The following FGF22 variants were observed in gnomAD, a reference collection of about 807,000 sequenced individuals.
FGF22 encodes the protein FGF-22.
In FGF22, 11 loss-of-function variants were observed where a neutral mutation model predicts 10.3. The ratio of observed to expected loss-of-function variants is 1.07; its 90% CI spans 0.67 to 1.77. The LOEUF (loss-of-function observed/expected upper bound fraction) is 1.77, where lower values mean the gene tolerates loss of function less well. FGF22 is among the 40% of genes most tolerant of loss of function. FGF22 has a pLI of 0.00. For missense variants in FGF22, 317 were observed against 273.2 expected (o/e 1.16, Z -1.13); for synonymous variants, 136 against 122.1 (o/e 1.11, Z -0.75).
exon 3 of FGF22, chr19:644,050 G>C (rs931868105): frequency 5.3e-6 from 1 of 187,952 alleles, no homozygotes; most frequent in African/African-American, 2.4e-5. Context: ...GAGGACAAAG[G>C]CACCTGCAGG....
intron 1 of FGF22, among the ~76,000 whole-genome samples, chr19:641,986 G>A (rs942628233): frequency 5.3e-5 from 8 of 152,298 alleles, no homozygotes; most frequent in South Asian, 4.1e-4. Flanking sequence ...AGACGATGGC[G>A]TCCAAATCTG....
exon 1 of FGF22, chr19:640,132 C>T: frequency 7.5e-7 from 1 of 1,334,106 alleles, no homozygotes; most frequent in South Asian, 1.9e-5. Context: ...GGCGCCACGG[C>T]CAGGACAGTG....
exon 1 of FGF22, chr19:639,924 T>A: frequency 8.2e-7 from 1 of 1,221,912 alleles, no homozygotes; most frequent in Non-Finnish European, 1.0e-6. Context: ...GGGTGCCGGG[T>A]CATGCGCCGC....
chr19:643,728 C>A, exon 3 of FGF22: 1 of 871,450 alleles, frequency 1.1e-6, no homozygotes, highest in Non-Finnish European at 1.7e-6. Flanking sequence ...GCGCTGTGGA[C>A]ACAGCCCAGG....
intron 1 of FGF22, chr19:641,300 G>A (rs1025018736): frequency 2.2e-6 from 1 of 454,438 alleles, no homozygotes; most frequent in Admixed American, 2.4e-5. Flanking sequence ...CGGTTGGCCG[G>A]GTGCAGTGGC....
At chr19:640,895 C>T (rs558349255) in intron 1 of FGF22, 15 of 299,128 alleles carry the variant, frequency 5.0e-5, no homozygotes, top group Non-Finnish European at 8.2e-5. Flanking sequence ...TCCTTCCCAC[C>T]GCTTTCATCT....
rs1985946876 is a variant in FGF22 at position 642,792 on chromosome 19, G to GACTCCCACATCCCAGGAAA, written c.215-425_215-424insAACTCCCACATCCCAGGAA. 3.3e-5 allele frequency among the ~76,000 whole-genome samples: 5 copies of GACTCCCACATCCCAGGAAA among 151,948 alleles called. No homozygotes were observed. The South Asian group carries it at 1.0e-3, about 32-fold the overall frequency. On this transcript the variant is annotated intron_variant, in intron 1 of 2. Coordinates refer to ENST00000215530, the Ensembl canonical transcript of FGF22. ...GGTCTGGGTGGGCCCTGCCCCTTCT[G>GACTCCCACATCCCAGGAAA]ACTCCCACATCCCAGGAACCCTTTC...
intron 1 of FGF22, 133 bp downstream of exon 1, chr19:640,272 G>T (rs1022566564): frequency 2.2e-5 from 12 of 540,882 alleles, no homozygotes; most frequent in African/African-American, 5.9e-5. Context: ...CTCAGTTTCC[G>T]TGGTCTGTGA....
chr19:640,868 C>A, intron 1 of FGF22: 1 of 255,006 alleles, frequency 3.9e-6, no homozygotes, highest in Non-Finnish European at 8.1e-6. Context: ...ACCATCAGGG[C>A]AGGTAATCAC....
exon 2 of FGF22, chr19:643,243 G>C: frequency 2.5e-6 from 4 of 1,610,744 alleles, no homozygotes; most frequent in Non-Finnish European, 3.4e-6. Context: ...AGGCATCCTG[G>C]AGATCCGCTC....
chr19:641,236 G>A lies in FGF22; in HGVS notation c.214+1097G>A, dbSNP rs148687788. ...CTCCTGGGGCTCCCAGAGCAGAGGCGCGCAGCAGTTAGACACGTGAACAAG... is the reference window on the plus strand; with the variant it reads ...CTCCTGGGGCTCCCAGAGCAGAGGCACGCAGCAGTTAGACACGTGAACAAG... On this transcript the variant is annotated intron_variant, in intron 1 of 2. Coordinates refer to ENST00000215530, the Ensembl canonical transcript of FGF22. 311 of 456,412 alleles carry A rather than the reference G, an allele frequency of 6.8e-4. 3 individuals carry two copies. The highest frequency in any genetic ancestry group is 1.3e-3 in the Admixed American group (54 of 42,588). 28.3% of individuals were successfully genotyped at this position (456,412 alleles called of 1,614,324 possible).
chr19:640,182 G>T, intron 1 of FGF22, 43 bp downstream of exon 1: 1 of 1,225,008 alleles, frequency 8.2e-7, no homozygotes, highest in Non-Finnish European at 1.0e-6. Flanking sequence ...GAGGCGGCGG[G>T]TGACGGCAAC....
intron 1 of FGF22, among the ~76,000 whole-genome samples, chr19:642,844 C>T (rs867395995): frequency 2.6e-4 from 34 of 130,202 alleles, no homozygotes; most frequent in African/African-American, 9.3e-4. Flanking sequence ...TGTTGCTGCC[C>T]CCCTGACGTC....
In FGF22 at chr19:643,454, G is replaced by C. The variant is rs771748957; in HGVS notation, c.363G>C (p.Glu121Asp). The change falls in exon 3 of 3, where the codon GAG (glutamate) becomes GAC (aspartate). Residue 121 changes from glutamate to aspartate, a missense_variant. Transcript: ENST00000215530. ...GCAGGTTCCGGGAGCGCATCGAAGA[G>C]AACGGCCACAACACCTACGCCTCAC... The C allele has an allele frequency of 1.3e-5, 21 of 1,611,502 alleles. No individual in the cohort carries two copies. The African/African-American group carries it at 1.9e-4, about 14-fold the overall frequency.
intron 1 of FGF22, chr19:641,255 G>T: frequency 2.2e-6 from 1 of 456,106 alleles, no homozygotes; most frequent in Non-Finnish European, 4.4e-6. Flanking sequence ...TTAGACACGT[G>T]AACAAGGGCG....
exon 3 of FGF22, chr19:644,191 GGGGA>G: frequency 6.4e-6 from 1 of 157,036 alleles, no homozygotes; most frequent in South Asian, 2.0e-4. Context: ...TGGCCGTGAA[GGGGA>G]GGAAGGGCCC....
At chr19:642,714 G>A (rs1323949881) in intron 1 of FGF22, among the ~76,000 whole-genome samples, 2 of 151,644 alleles carry the variant, frequency 1.3e-5, no homozygotes, top group Non-Finnish European at 2.9e-5. Flanking sequence ...TGAGGGCCGG[G>A]CTGGGGGCTC....
At chr19:641,444 G>A (rs546812577) in intron 1 of FGF22, 17 of 359,218 alleles carry the variant, frequency 4.7e-5, no homozygotes, top group South Asian at 2.0e-4. Flanking sequence ...GTGTGGTGGC[G>A]GGCGCCTGTA....
exon 1 of FGF22, chr19:639,886 C>T (rs1056033415): frequency 7.6e-6 from 9 of 1,176,646 alleles, no homozygotes; most frequent in South Asian, 3.8e-5. Flanking sequence ...GCCGCGGACG[C>T]CCGGGAGCGA....
Sources: gnomAD v4.1 joint callset for allele counts (sites outside exome capture counted in the v4.1 genomes callset) on GRCh38, gnomAD v4.1.1 for gene constraint, MANE v1.5 for transcripts, NCBI Gene and HGNC (gene_info 2026-07-23, HGNC 2026-07-21) for gene names.